DERA: variants seen among roughly 807,000 people sequenced by gnomAD.
The protein encoded by DERA is deoxyribose-phosphate aldolase.
A neutral mutation model predicts 41.1 loss-of-function variants in DERA; 15 were observed. That is an observed-to-expected ratio of 0.37 (90% CI 0.24 to 0.56). The LOEUF is 0.56. Among genes scored for constraint, DERA ranks in the 20% least tolerant of loss-of-function variants. DERA has a pLI of 0.81. For synonymous variants in DERA, 139 were observed against 137.4 expected (o/e 1.01, Z -0.08); for missense variants, 396 against 403.4 (o/e 0.98, Z 0.16).
At chr12:16,024,743 T>TTA (rs1949042177) in intron 6 of DERA, among the ~76,000 whole-genome samples, 1 of 152,064 alleles carries the variant, frequency 6.6e-6, no homozygotes, top group Non-Finnish European at 1.5e-5. Flanking sequence ...AGAAGAAAAC[T>TTA]TATATAGATC....
Position 15,957,098 on chromosome 12 carries a change from C to A in DERA, c.129+65C>A. The A allele has an allele frequency of 8.0e-7, 1 of 1,243,558 alleles. No individual in the cohort carries two copies. The highest frequency in any genetic ancestry group is 1.2e-6 in the Non-Finnish European group (1 of 852,168). 77.0% of individuals were successfully genotyped at this position (1,243,558 alleles called of 1,614,324 possible). ...AATGCATGGTCTCTTCCCTCAAGGCCACAATATTGAATTTCACTCAAGATG... is the reference window on the plus strand; with the variant it reads ...AATGCATGGTCTCTTCCCTCAAGGCAACAATATTGAATTTCACTCAAGATG... On this transcript the variant is annotated intron_variant, in intron 2 of 8. Transcript: ENST00000428559. The surrounding 1 kb of genome is among the most constrained non-coding windows in gnomAD (Gnocchi z 4.8).
In DERA at chr12:15,911,843, A is replaced by C; in HGVS notation, c.31+429A>C. 4.4e-6 allele frequency: 2 copies of C among 454,722 alleles called. No individual in the cohort carries two copies. Among genetic ancestry groups the C allele is most frequent in the Non-Finnish European group, 8.8e-6 (2 of 227,348 alleles). 28.2% of individuals were successfully genotyped at this position (454,722 alleles called of 1,614,324 possible). ...TATTTCCGTAGATAATTTTAACCGT[A>C]ACCTTGAAGTGGCCGTGCTCGTGGA... On this transcript the variant is annotated intron_variant, in intron 1 of 8. Transcript: ENST00000428559. This position sits in a 1 kb window ranked among gnomAD's most constrained non-coding sequence, Gnocchi z 4.5.
At chr12:15,944,287 C>A (rs1948430133) in intron 1 of DERA, among the ~76,000 whole-genome samples, 1 of 152,110 alleles carries the variant, frequency 6.6e-6, no homozygotes. Flanking sequence ...AGTTCTAGAT[C>A]CTTGAGGAGT....
intron 6 of DERA, among the ~76,000 whole-genome samples, chr12:16,032,226 A>C (rs915005189): frequency 6.6e-6 from 1 of 152,170 alleles, no homozygotes; most frequent in Non-Finnish European, 1.5e-5. Flanking sequence ...ATAGGGCATA[A>C]AATTGTTTTT....
intron 7 of DERA, among the ~76,000 whole-genome samples, chr12:16,033,542 C>G (rs1368943006): frequency 2.7e-5 from 4 of 149,068 alleles, no homozygotes; most frequent in Admixed American, 2.7e-4. Context: ...TGCAAATTAT[C>G]TCAAAGGATT....
intron 1 of DERA, among the ~76,000 whole-genome samples, chr12:15,937,129 A>T (rs1370275373): frequency 1.3e-5 from 2 of 151,788 alleles, no homozygotes; most frequent in Non-Finnish European, 2.9e-5. Flanking sequence ...CTAATTTTTA[A>T]TTTTTTTGTA....
At position 15,994,425 on chromosome 12, in the gene DERA, A is replaced by G. The variant is rs1405348401; in HGVS notation, c.637+11989A>G. ...TTAACTCTTGGTTATTTATTCCTTA[A>G]TATCTGTGCCACGTGGTTACTGATC... On this transcript the variant is annotated intron_variant, in intron 6 of 8. Coordinates refer to ENST00000428559, the MANE Select transcript of DERA (RefSeq NM_015954.4). The surrounding 1 kb of genome is among the most constrained non-coding windows in gnomAD (Gnocchi z 4.8). Among the ~76,000 whole-genome samples the G allele has an allele frequency of 1.3e-5, 2 of 152,118 alleles. No individual in the cohort carries two copies. Among genetic ancestry groups the G allele is most frequent in the South Asian group, 2.1e-4 (1 of 4,830 alleles).
intron 5 of DERA, among the ~76,000 whole-genome samples, chr12:15,974,716 C>G (rs1353457086): frequency 2.6e-5 from 4 of 152,128 alleles, no homozygotes; most frequent in Non-Finnish European, 5.9e-5. Context: ...TCCTTTTCCT[C>G]ATCTAACTTT....
rs985879241 is a variant in DERA at position 16,035,603 on chromosome 12, C to T, written c.751-629C>T. ...CTACTGGACTATGAGGAGCCCCTCA[C>T]GGTGTTTTTCTACTGCCCTTATGTA... On this transcript the variant is annotated intron_variant, in intron 7 of 8. Transcript: ENST00000428559. The surrounding 1 kb of genome is among the most constrained non-coding windows in gnomAD (Gnocchi z 4.1). 3.5e-4 allele frequency among the ~76,000 whole-genome samples: 53 copies of T among 152,186 alleles called. No individual in the cohort carries two copies. Among genetic ancestry groups the T allele is most frequent in the African/African-American group, 1.3e-3 (52 of 41,452 alleles).
At chr12:15,962,398 A>G (rs17174872) in intron 4 of DERA, among the ~76,000 whole-genome samples, 1,820 of 152,314 alleles carry the variant, frequency 0.012, 22 homozygotes, top group Admixed American at 0.019. Flanking sequence ...TGAGTAAATC[A>G]AGATAGCTAA....
At chr12:15,986,207 A>G (rs1425421341) in intron 6 of DERA, among the ~76,000 whole-genome samples, 5 of 151,884 alleles carry the variant, frequency 3.3e-5, no homozygotes, top group African/African-American at 9.7e-5. Context: ...ATTTTTTTCC[A>G]TCTTTTTATT....
intron 6 of DERA, among the ~76,000 whole-genome samples, chr12:16,005,110 G>T (rs1024666592): frequency 2.0e-5 from 3 of 152,110 alleles, no homozygotes; most frequent in African/African-American, 7.2e-5. Context: ...CAACAGACGT[G>T]CCCTGGAATG....
chr12:15,958,102 T>C (rs1948553997), intron 2 of DERA, 86 bp from the exon 3 acceptor site: 1 of 1,128,376 alleles, frequency 8.9e-7, no homozygotes, highest in Admixed American at 2.9e-5. Flanking sequence ...ACTTGTCTAA[T>C]GATTCTCTAC....
rs750079073 is a variant in DERA, at chr12:16,036,347, G to A, written c.866G>A (p.Gly289Asp). 2.5e-6 allele frequency: 4 copies of A among 1,612,582 alleles called. No individual in the cohort carries two copies. Among genetic ancestry groups the A allele is most frequent in the African/African-American group, 1.3e-5 (1 of 74,914 alleles). ...EWLKPELFRI[G>D]ASTLLSDIER... ...CTGAAGCCAGAACTCTTTCGAATAG[G>A]TGCCAGTACTCTGCTCTCGGACATT... The change falls in exon 8 of 9, where the codon GGT (glycine) becomes GAT (aspartate). Residue 289 changes from glycine to aspartate, a missense_variant. Coordinates refer to ENST00000428559, the MANE Select transcript of DERA (RefSeq NM_015954.4). The surrounding 1 kb of genome is among the most constrained non-coding windows in gnomAD (Gnocchi z 4.9).
Position 15,982,961 on chromosome 12 carries a change from G to T in DERA, c.637+525G>T, listed in dbSNP as rs550667031. On this transcript the variant is annotated intron_variant, in intron 6 of 8. Coordinates refer to ENST00000428559, the MANE Select transcript of DERA (RefSeq NM_015954.4). This position sits in a 1 kb window ranked among gnomAD's most constrained non-coding sequence, Gnocchi z 4.0. ...TCTATCCATTTAGACATCCAAGCTT[G>T]CAGCCTAGGAGTCATGCTTGGTTCT... 5.9e-5 allele frequency among the ~76,000 whole-genome samples: 9 copies of T among 152,280 alleles called. No individual in the cohort carries two copies. In the South Asian group the frequency reaches 1.0e-3, roughly 18 times the overall value.
Position 15,967,007 on chromosome 12 carries a change from A to T in DERA, c.508+4060A>T, listed in dbSNP as rs566125826. The stretch of plus-strand genomic sequence containing the variant: ...ATCATTTACATATAAGTAGACATTC[A>T]AATATCACTGACCCTTGACAAAATC... On this transcript the variant is annotated intron_variant, in intron 5 of 8. Coordinates refer to ENST00000428559, the MANE Select transcript of DERA (RefSeq NM_015954.4). This position sits in a 1 kb window ranked among gnomAD's most constrained non-coding sequence, Gnocchi z 4.9. Among the ~76,000 whole-genome samples the T allele has an allele frequency of 6.6e-6, 1 of 152,232 alleles. No homozygotes were observed. The highest frequency in any genetic ancestry group is 2.1e-4 in the South Asian group (1 of 4,824).
At chr12:15,980,556 A>G (rs1948725932) in intron 5 of DERA, among the ~76,000 whole-genome samples, 2 of 151,814 alleles carry the variant, frequency 1.3e-5, no homozygotes, top group South Asian at 2.1e-4. Context: ...TTCGCTCCAT[A>G]GTCTATTACT....
chr12:16,024,477 T>G (rs1949040128), intron 6 of DERA, among the ~76,000 whole-genome samples: 1 of 152,170 alleles, frequency 6.6e-6, no homozygotes, highest in African/African-American at 2.4e-5. Context: ...CATGTCAGCG[T>G]GGAGTGAAAT....
rs142626709 is a variant in DERA, at chr12:16,023,062, G to A, written c.638-9480G>A. Among the ~76,000 whole-genome samples, 23 of 152,250 alleles carry A rather than the reference G, an allele frequency of 1.5e-4. No individual in the cohort carries two copies. In the East Asian group the frequency reaches 1.5e-3, roughly 10 times the overall value. On this transcript the variant is annotated intron_variant, in intron 6 of 8. Coordinates refer to ENST00000428559, the MANE Select transcript of DERA (RefSeq NM_015954.4). ...GTCTTTCTGTCTCATCAAAATGGGC[G>A]GAGAAAAGCTAAGAAACATTTGTGA...
Sources: allele counts gnomAD v4.1 joint callset (sites outside exome capture counted in the v4.1 genomes callset), GRCh38; gene constraint gnomAD v4.1.1; non-coding constraint Gnocchi (gnomAD v3.1); transcripts MANE v1.5; gene names NCBI Gene and HGNC (gene_info 2026-07-23, HGNC 2026-07-21).